Variants in LINS1 observed in about 807,000 individuals in gnomAD.
LINS1 encodes the protein lines homolog 1.
Under a neutral mutation model 41.6 loss-of-function variants are expected in LINS1, and 27 were observed. That is an observed-to-expected ratio of 0.65 (90% CI 0.48 to 0.89). The LOEUF (loss-of-function observed/expected upper bound fraction) is 0.89, where lower values mean the gene tolerates loss of function less well. Among genes scored for constraint, LINS1 ranks in the 40% least tolerant of loss-of-function variants. LINS1 has a pLI of 0.00. For synonymous variants in LINS1, 336 were observed against 312.9 expected (o/e 1.07, Z -0.78); for missense variants, 955 against 884.1 (o/e 1.08, Z -1.02).
chr15:100,573,587 T>C (rs766867393), intron 5 of LINS1, 64 bp downstream of exon 5: 7 of 1,034,632 alleles, frequency 6.8e-6, no homozygotes, highest in Non-Finnish European at 7.4e-6. Flanking sequence ...GATTTGATAA[T>C]TATGAATTAC....
chr15:100,579,612 A>C (rs1160710845), intron 3 of LINS1, among the ~76,000 whole-genome samples: 1 of 152,164 alleles, frequency 6.6e-6, no homozygotes, highest in Non-Finnish European at 1.5e-5. Flanking sequence ...ATATTCAGAA[A>C]AGTTATTGAA....
intron 5 of LINS1, chr15:100,572,556 T>A (rs1034240047): frequency 1.0e-6 from 1 of 998,816 alleles, no homozygotes; most frequent in Admixed American, 5.2e-5. Context: ...TAGTTTGAAC[T>A]ACAATTTAAA....
intron 1 of LINS1, among the ~76,000 whole-genome samples, chr15:100,599,406 A>C (rs1185268403): frequency 6.6e-6 from 1 of 152,238 alleles, no homozygotes; most frequent in African/African-American, 2.4e-5. Context: ...CTTGGCTATG[A>C]TATAATCATG....
Position 100,571,772 on chromosome 15 carries a change from A to G in LINS1, c.1394+122T>C, listed in dbSNP as rs1340349239. 9.4e-6 allele frequency: 11 copies of G among 1,171,150 alleles called. No homozygotes were observed. In the East Asian group the frequency reaches 2.6e-4, roughly 28 times the overall value. 72.5% of individuals were successfully genotyped at this position (1,171,150 alleles called of 1,614,324 possible). On this transcript the variant is annotated intron_variant, in intron 6 of 6. Transcript: ENST00000314742. ...ATGTAAGTCAGGGTTAAAGAAAGGAACTGCAACAGGATGTTTTCCCCCAAA... is the reference window on the plus strand; with the variant it reads ...ATGTAAGTCAGGGTTAAAGAAAGGAGCTGCAACAGGATGTTTTCCCCCAAA...
In LINS1 at chr15:100,567,372, G is replaced by T. The variant is rs1402913383; in HGVS notation, c.*1866C>A. The T allele has an allele frequency of 1.3e-5, 2 of 152,124 alleles. No homozygotes were observed. Among genetic ancestry groups the T allele is most frequent in the East Asian group, 3.9e-4 (2 of 5,194 alleles). 9.4% of individuals were successfully genotyped at this position (152,124 alleles called of 1,614,324 possible). On this transcript the variant is annotated 3_prime_UTR_variant, in exon 7 of 7. Transcript: ENST00000314742. ...TATCCCACTAAAAATAGTACAAAAA[G>T]ATGAGACTTTGTCTTCCACATCAGA...
At chr15:100,593,309 C>T (rs567672136) in intron 1 of LINS1, among the ~76,000 whole-genome samples, 49 of 152,158 alleles carry the variant, frequency 3.2e-4, no homozygotes, top group Non-Finnish European at 6.2e-4. Context: ...TGAAATCCCA[C>T]ACCAAGTGGC....
chr15:100,572,560 A>G (rs1196864879), intron 5 of LINS1: 10 of 999,536 alleles, frequency 1.0e-5, no homozygotes, highest in East Asian at 1.0e-4. Flanking sequence ...TTGAACTACA[A>G]TTTAAAACTG....
At chr15:100,574,550 A>G (rs989652312) in intron 4 of LINS1, among the ~76,000 whole-genome samples, 2 of 152,172 alleles carry the variant, frequency 1.3e-5, no homozygotes, top group African/African-American at 2.4e-5. Context: ...TCTACTAAAA[A>G]TACAGAAATT....
chr15:100,578,116 A>G (rs1269728353), intron 3 of LINS1, among the ~76,000 whole-genome samples: 1 of 152,198 alleles, frequency 6.6e-6, no homozygotes, highest in Non-Finnish European at 1.5e-5. Flanking sequence ...AGGCATGGGC[A>G]AGGACTTCAT....
At chr15:100,591,920 T>G (rs1354709347) in intron 1 of LINS1, among the ~76,000 whole-genome samples, 1 of 152,172 alleles carries the variant, frequency 6.6e-6, no homozygotes, top group Non-Finnish European at 1.5e-5. Flanking sequence ...GATCACATCT[T>G]TCTGGGGGGA....
At chr15:100,576,609 G>C (rs1219172061) in intron 3 of LINS1, 1 of 152,358 alleles carries the variant, frequency 6.6e-6, no homozygotes, top group East Asian at 1.9e-4. Context: ...GGAAGAGCTG[G>C]TACCATTCCT....
chr15:100,579,945 C>G (rs1264305018), intron 3 of LINS1, among the ~76,000 whole-genome samples: 1 of 152,182 alleles, frequency 6.6e-6, no homozygotes, highest in African/African-American at 2.4e-5. Context: ...TGACACAAAT[C>G]ATCATATTCT....
chr15:100,599,767 TA>T (rs1337803878), intron 1 of LINS1, among the ~76,000 whole-genome samples: 1 of 152,186 alleles, frequency 6.6e-6, no homozygotes, highest in Admixed American at 6.5e-5. Flanking sequence ...TTTGAACTGT[TA>T]AAAAGCAAAA....
chr15:100,572,954 C>A (rs1055672352), intron 5 of LINS1: 4 of 487,192 alleles, frequency 8.2e-6, no homozygotes, highest in Non-Finnish European at 1.1e-5. Context: ...CACTTCAGCT[C>A]AAAACGTTGA....
Position 100,569,514 on chromosome 15 carries a change from T to C in LINS1, c.1998A>G (p.Thr666=), listed in dbSNP as rs750463316. The C allele has an allele frequency of 2.5e-6, 4 of 1,614,236 alleles. No individual in the cohort carries two copies. In the Admixed American group the frequency reaches 6.7e-5, roughly 27 times the overall value. ...ATKEIQDAAG[T]SRDKKEFSLE... ...GGCTAAATTCTTTTTTATCCCTGCT[T>C]GTCCCAGCTGCATCCTGAATCTCCT... The change falls in exon 7 of 7, where the codon ACA becomes ACG. Residue 666 remains threonine (T), a synonymous_variant. Coordinates refer to ENST00000314742, the MANE Select transcript of LINS1 (RefSeq NM_001040616.3).
intron 1 of LINS1, among the ~76,000 whole-genome samples, chr15:100,597,590 T>C (rs1303879903): frequency 2.6e-5 from 4 of 152,262 alleles, no homozygotes; most frequent in African/African-American, 9.6e-5. Flanking sequence ...ATGGAAATTA[T>C]CCAGTGTATC....
At chr15:100,588,382 A>G (rs1407337375) in intron 1 of LINS1, among the ~76,000 whole-genome samples, 2 of 152,262 alleles carry the variant, frequency 1.3e-5, no homozygotes, top group Admixed American at 6.5e-5. Flanking sequence ...TGTTGTGTGT[A>G]TAATATAAAA....
Position 100,569,545 on chromosome 15 carries a change from G to A in LINS1, c.1967C>T (p.Ala656Val), listed in dbSNP as rs1413300630. 1 of 1,614,182 alleles carries A rather than the reference G, an allele frequency of 6.2e-7. No individual in the cohort carries two copies. Among genetic ancestry groups the A allele is most frequent in the Non-Finnish European group, 8.5e-7 (1 of 1,180,026 alleles). The change falls in exon 7 of 7, where the codon GCA becomes GTA. Residue 656 changes from alanine to valine, a missense_variant. Coordinates refer to ENST00000314742, the MANE Select transcript of LINS1 (RefSeq NM_001040616.3). ...NSKQTSLHQQ[A>V]TKEIQDAAGT... ...AGCTGCATCCTGAATCTCCTTAGTT[G>A]CTTGCTGGTGTAAAGATGTCTGTTT...
At chr15:100,577,512 C>T (rs1179877699) in intron 3 of LINS1, among the ~76,000 whole-genome samples, 5 of 151,922 alleles carry the variant, frequency 3.3e-5, no homozygotes, top group Admixed American at 6.6e-5. Context: ...CACTGCTCAA[C>T]GAAGTAAAAG....
Sources: gnomAD v4.1 joint callset for allele counts (sites outside exome capture counted in the v4.1 genomes callset) on GRCh38, gnomAD v4.1.1 for gene constraint, MANE v1.5 for transcripts, NCBI Gene and HGNC (gene_info 2026-07-23, HGNC 2026-07-21) for gene names.